IL17RD: variants seen among roughly 807,000 people sequenced by gnomAD.
The protein encoded by IL17RD is interleukin 17 receptor D.
Under a neutral mutation model 80.5 loss-of-function variants are expected in IL17RD, and 52 were observed. That is an observed-to-expected ratio of 0.65 (90% CI 0.52 to 0.81). IL17RD has a LOEUF of 0.81. Among genes scored for constraint, IL17RD ranks in the 40% least tolerant of loss-of-function variants. The pLI, the probability that IL17RD is intolerant of heterozygous loss-of-function variation, is 0.00. For synonymous variants in IL17RD, 416 were observed against 391.8 expected (o/e 1.06, Z -0.73); for missense variants, 1,024 against 955.1 (o/e 1.07, Z -0.95).
chr3:57,147,461 C>T (rs1707955879), intron 1 of IL17RD, among the ~76,000 whole-genome samples: 2 of 152,166 alleles, frequency 1.3e-5, no homozygotes, highest in Admixed American at 1.3e-4. Flanking sequence ...AGTCATTATA[C>T]AGGACAAGCT....
intron 1 of IL17RD, among the ~76,000 whole-genome samples, chr3:57,153,008 A>G (rs17289049): frequency 0.11 from 17,344 of 152,258 alleles, 1,495 homozygotes; most frequent in East Asian, 0.37. Flanking sequence ...TAACTGCAAC[A>G]AGCCCATGTG....
chr3:57,135,511 G>A (rs1707706889), intron 1 of IL17RD, among the ~76,000 whole-genome samples: 1 of 152,192 alleles, frequency 6.6e-6, no homozygotes, highest in Admixed American at 6.5e-5. Context: ...TAAGTACAAA[G>A]AAGAATATGA....
At chr3:57,122,809 A>T (rs1707370306) in intron 1 of IL17RD, among the ~76,000 whole-genome samples, 1 of 149,740 alleles carries the variant, frequency 6.7e-6, no homozygotes, top group African/African-American at 2.5e-5. Flanking sequence ...GAGGAAGATC[A>T]AATGAAGCCG....
In IL17RD at chr3:57,102,569, GC is replaced by G; in HGVS notation, c.888del (p.Ile298SerfsTer11). ...ACTGTGATGGCCACGGCTCTGATGG[GC>G]CCGGCCCACGGGGAGTGCACTGGGA... ...ALKPVHSPWA[G>X]PIRAVAITVP... On this transcript the variant is annotated frameshift_variant, in exon 10 of 13. Coordinates refer to ENST00000296318, the MANE Select transcript of IL17RD (RefSeq NM_017563.5). LOFTEE classifies it high-confidence loss of function. 1.3e-6 allele frequency: 2 copies of G among 1,569,540 alleles called. No homozygotes were observed. Among genetic ancestry groups the G allele is most frequent in the East Asian group, 2.3e-5 (1 of 43,798 alleles).
rs907503071 is a variant in IL17RD, at chr3:57,134,522, G to T, written c.127-14209C>A. On this transcript the variant is annotated intron_variant, in intron 1 of 12. Transcript: ENST00000296318. Reference sequence around the variant, plus strand: ...ACAGCCTGTACCTGAAGGTGAAGGGGAATGTGTTCAAAAACAAGTGGATTC... The same window carrying T: ...ACAGCCTGTACCTGAAGGTGAAGGGTAATGTGTTCAAAAACAAGTGGATTC... 11 of 1,335,904 alleles carry T rather than the reference G, an allele frequency of 8.2e-6. No individual in the cohort carries two copies. The African/African-American group carries it at 1.6e-4, about 19-fold the overall frequency. 82.8% of individuals were successfully genotyped at this position (1,335,904 alleles called of 1,614,324 possible). A position where few individuals can be genotyped will look rare whatever the true frequency, so the allele number is the denominator to read the frequency against.
intron 2 of IL17RD, among the ~76,000 whole-genome samples, chr3:57,117,634 T>C (rs1021789850): frequency 6.6e-6 from 1 of 152,200 alleles, no homozygotes; most frequent in African/African-American, 2.4e-5. Flanking sequence ...ACCCAGTAAT[T>C]GTTTCTTAGT....
intron 1 of IL17RD, among the ~76,000 whole-genome samples, chr3:57,142,723 A>G (rs879691112): frequency 1.1e-4 from 16 of 152,224 alleles, no homozygotes; most frequent in Non-Finnish European, 2.1e-4. Context: ...GAGACTTTGA[A>G]GGCCAAAAAT....
At position 57,121,669 on chromosome 3, in the gene IL17RD, G is replaced by C. The variant is rs563191074; in HGVS notation, c.127-1356C>G. On this transcript the variant is annotated intron_variant, in intron 1 of 12. Coordinates refer to ENST00000296318, the MANE Select transcript of IL17RD (RefSeq NM_017563.5). ...TCCTCACCTGAACTAAAACACTTTG[G>C]AAAGTGTTGTGAACTTATTAAAATC... Among the ~76,000 whole-genome samples the C allele has an allele frequency of 2.6e-5, 4 of 152,224 alleles. No individual in the cohort carries two copies. In the South Asian group the frequency reaches 8.3e-4, roughly 32 times the overall value.
upstream of IL17RD, among the ~76,000 whole-genome samples, chr3:57,167,876 G>A: frequency 6.6e-6 from 1 of 152,088 alleles, no homozygotes; most frequent in East Asian, 1.9e-4. Flanking sequence ...CTGTCACCCA[G>A]GCTAGAGTGA....
chr3:57,164,815 A>G, intron 1 of IL17RD: 1 of 844,738 alleles, frequency 1.2e-6, no homozygotes. Flanking sequence ...CGGGACACGC[A>G]GCCCTGGGAC....
In IL17RD at chr3:57,097,915, C is replaced by T; in HGVS notation, c.1788G>A (p.Gly596=). The T allele has an allele frequency of 6.2e-7, 1 of 1,614,022 alleles. No homozygotes were observed. The highest frequency in any genetic ancestry group is 1.1e-5 in the South Asian group (1 of 91,090). The change falls in exon 12 of 13, where the codon GGG becomes GGA. Residue 596 remains glycine, a synonymous_variant. Transcript: ENST00000296318. The part of the protein sequence containing the change: ...LVLNDVMCKP[G]PESDFCLKVE... ...CCTTTAGGCAGAAGTCACTCTCAGG[C>T]CCTGGTTTGCACATGACATCATTTA...
chr3:57,151,557 A>G (rs572308488), intron 1 of IL17RD, among the ~76,000 whole-genome samples: 1 of 152,314 alleles, frequency 6.6e-6, no homozygotes, highest in Non-Finnish European at 1.5e-5. Flanking sequence ...GAAGCTCAAA[A>G]GTGTTATGAG....
Position 57,165,325 on chromosome 3 carries a change from C to T in IL17RD, c.-39G>A. ...CCCAGCCAGGCCGTTCTCTGCGCCC[C>T]GGCCGCCCGCCGCTGGCCAGCCCCG... On this transcript the variant is annotated 5_prime_UTR_variant, in exon 1 of 13. Coordinates refer to ENST00000296318, the MANE Select transcript of IL17RD (RefSeq NM_017563.5). 7.6e-7 allele frequency: 1 copy of T among 1,311,294 alleles called. No homozygotes were observed. The highest frequency in any genetic ancestry group is 9.7e-7 in the Non-Finnish European group (1 of 1,025,820). The allele number at this position is 1,311,294 out of a possible 1,614,324, so 81.2% of individuals were successfully genotyped here.
chr3:57,124,115 T>C (rs1303268370), intron 1 of IL17RD, among the ~76,000 whole-genome samples: 1 of 152,168 alleles, frequency 6.6e-6, no homozygotes, highest in East Asian at 1.9e-4. Flanking sequence ...AGCACATGCA[T>C]CACAGATGCT....
At chr3:57,128,621 A>G (rs1363426702) in intron 1 of IL17RD, among the ~76,000 whole-genome samples, 1 of 152,160 alleles carries the variant, frequency 6.6e-6, no homozygotes, top group Non-Finnish European at 1.5e-5. Flanking sequence ...ATGTTAGGAC[A>G]TTGGTGTGAG....
At chr3:57,140,508 T>C (rs143920917) in intron 1 of IL17RD, among the ~76,000 whole-genome samples, 1 of 152,336 alleles carries the variant, frequency 6.6e-6, no homozygotes, top group Non-Finnish European at 1.5e-5. Flanking sequence ...CTCACAAAAA[T>C]GGTGAATGTT....
At chr3:57,097,423 C>A (rs553208946) in intron 12 of IL17RD, 173 bp downstream of exon 12, 6 of 620,378 alleles carry the variant, frequency 9.7e-6, no homozygotes, top group South Asian at 7.8e-5. Context: ...GCAACTCAAA[C>A]ATGTGAGTAC....
At chr3:57,163,402 G>T (rs2107548908) in intron 1 of IL17RD, among the ~76,000 whole-genome samples, 1 of 152,196 alleles carries the variant, frequency 6.6e-6, no homozygotes, top group Middle Eastern at 3.4e-3. Flanking sequence ...CGCACAGGTA[G>T]AAGAAAATCA....
chr3:57,124,191 A>G (rs1244181296), intron 1 of IL17RD, among the ~76,000 whole-genome samples: 3 of 152,076 alleles, frequency 2.0e-5, no homozygotes, highest in Non-Finnish European at 4.4e-5. Context: ...CTCAGAAACC[A>G]CCTTAGCAAT....
Sources: allele counts gnomAD v4.1 joint callset (sites outside exome capture counted in the v4.1 genomes callset), GRCh38; gene constraint gnomAD v4.1.1; transcripts MANE v1.5; gene names NCBI Gene and HGNC (gene_info 2026-07-23, HGNC 2026-07-21).